Variants in SEL1L observed in about 807,000 individuals in gnomAD.
SEL1L encodes the protein SEL1L adaptor subunit of SYVN1 ubiquitin ligase.
SEL1L carries 52 observed loss-of-function variants against 109.8 expected under a neutral mutation model. The ratio of observed to expected loss-of-function variants is 0.47; its 90% CI spans 0.38 to 0.60. The LOEUF (loss-of-function observed/expected upper bound fraction) is 0.60. Ranked by LOEUF, SEL1L falls within the 20% of genes least tolerant of loss-of-function variation. SEL1L has a pLI of 0.00. For synonymous variants in SEL1L, 373 were observed against 339.6 expected (o/e 1.10, Z -1.08); for missense variants, 749 against 962.2 (o/e 0.78, Z 2.93).
intron 1 of SEL1L, among the ~76,000 whole-genome samples, chr14:81,528,634 TA>T (rs1325205416): frequency 8.5e-5 from 13 of 152,172 alleles, no homozygotes; most frequent in Non-Finnish European, 1.9e-4. Context: ...AGATCATCTT[TA>T]AGTTTCCCTC....
intron 19 of SEL1L, among the ~76,000 whole-genome samples, chr14:81,480,330 C>T (rs530399313): frequency 6.6e-5 from 10 of 152,280 alleles, no homozygotes; most frequent in African/African-American, 2.2e-4. Flanking sequence ...GCTGGGACTA[C>T]AGGTGCCTGC....
chr14:81,503,793 C>T (rs184526554), intron 5 of SEL1L, among the ~76,000 whole-genome samples: 20 of 152,178 alleles, frequency 1.3e-4, no homozygotes, highest in African/African-American at 4.1e-4. Context: ...TAAGATGTTA[C>T]GAGATAATCA....
Position 81,486,296 on chromosome 14 carries a change from A to G in SEL1L, c.1791T>C (p.Leu597=), listed in dbSNP as rs1487025559. The G allele has an allele frequency of 6.2e-7, 1 of 1,614,128 alleles. No individual in the cohort carries two copies. Among genetic ancestry groups the G allele is most frequent in the Non-Finnish European group, 8.5e-7 (1 of 1,179,990 alleles). Residue 597 remains leucine (L), a synonymous_variant, in exon 17 of 21, where the codon CTT becomes CTC. Transcript: ENST00000336735. ...GACTAAAATGAACCTTACTCTGATC[A>G]AGAATAAAGGCTGCATTGCTTTGTG... ...EVAQSNAAFI[L]DQREASIVGE...
chr14:81,507,464 C>T (rs546284302), intron 3 of SEL1L, among the ~76,000 whole-genome samples: 15 of 151,794 alleles, frequency 9.9e-5, no homozygotes, highest in East Asian at 7.8e-4. Context: ...TACCCAGGTG[C>T]GTTAGGGGTA....
intron 3 of SEL1L, among the ~76,000 whole-genome samples, chr14:81,510,424 T>G (rs1033559400): frequency 1.6e-4 from 24 of 147,688 alleles, no homozygotes; most frequent in Admixed American, 1.2e-3. Flanking sequence ...GCTTGAACAT[T>G]GAAGGAAAGA....
At chr14:81,498,286 G>A in intron 9 of SEL1L, 127 bp downstream of exon 9, 2 of 846,360 alleles carry the variant, frequency 2.4e-6, no homozygotes, top group African/African-American at 1.7e-5. Flanking sequence ...ACCTCAACTA[G>A]TTTAAAGATG....
chr14:81,481,802 G>C (rs1903364843), intron 19 of SEL1L, among the ~76,000 whole-genome samples: 1 of 152,170 alleles, frequency 6.6e-6, no homozygotes, highest in Admixed American at 6.5e-5. Flanking sequence ...GGAGACCGAG[G>C]CAGGTGGCTC....
chr14:81,501,121 G>A (rs1883988745), intron 6 of SEL1L, among the ~76,000 whole-genome samples: 1 of 152,190 alleles, frequency 6.6e-6, no homozygotes, highest in Non-Finnish European at 1.5e-5. Flanking sequence ...TCATGGCATG[G>A]AAGCCCCGTG....
intron 5 of SEL1L, among the ~76,000 whole-genome samples, chr14:81,503,746 G>T (rs759361914): frequency 6.6e-6 from 1 of 151,920 alleles, no homozygotes; most frequent in East Asian, 1.9e-4. Flanking sequence ...TTAAATCTTT[G>T]CAGACTATAA....
chr14:81,484,465 CT>C (rs2139989566), intron 18 of SEL1L, 68 bp from the exon 19 acceptor site: 2 of 1,414,470 alleles, frequency 1.4e-6, no homozygotes, highest in East Asian at 4.6e-5. Flanking sequence ...AAACTTTTTT[CT>C]CCTCCCATTG....
At chr14:81,526,171 G>C (rs1355767721) in intron 3 of SEL1L, among the ~76,000 whole-genome samples, 1 of 152,072 alleles carries the variant, frequency 6.6e-6, no homozygotes, top group Non-Finnish European at 1.5e-5. Context: ...ATTTTTAAAA[G>C]GATTAATATT....
intron 3 of SEL1L, 140 bp downstream of exon 3, chr14:81,526,593 T>G (rs1885122622): frequency 1.5e-6 from 1 of 669,132 alleles, no homozygotes; most frequent in Non-Finnish European, 2.5e-6. Context: ...AATCTAGAAA[T>G]TCTCTCCAAA....
intron 20 of SEL1L, 126 bp downstream of exon 20, chr14:81,479,486 A>C: frequency 1.1e-6 from 1 of 875,674 alleles, no homozygotes; most frequent in South Asian, 2.7e-5. Context: ...TGAGCTGAGG[A>C]GAAGGGAACA....
intron 3 of SEL1L, among the ~76,000 whole-genome samples, chr14:81,525,920 T>C (rs1218816787): frequency 6.6e-6 from 1 of 152,196 alleles, no homozygotes; most frequent in Non-Finnish European, 1.5e-5. Flanking sequence ...TTCTCCATGA[T>C]GTGAGCAGCT....
chr14:81,476,978 T>C lies in SEL1L; in HGVS notation c.2379A>G (p.Pro793=), dbSNP rs1280600517. The change falls in exon 21 of 21, where the codon CCA becomes CCG. Residue 793 remains proline (P), a synonymous_variant. Coordinates refer to ENST00000336735, the MANE Select transcript of SEL1L (RefSeq NM_005065.6). The part of the protein sequence containing the change: ...QQEGPPEQQP[P]Q The stretch of plus-strand genomic sequence containing the variant: ...AGGCTGGACCCAGTGCCTATTACTG[T>C]GGTGGCTGCTGCTCTGGTGGCCCCT... 2 of 1,614,104 alleles carry C rather than the reference T, an allele frequency of 1.2e-6. No individual in the cohort carries two copies. The highest frequency in any genetic ancestry group is 1.1e-5 in the South Asian group (1 of 91,074).
At chr14:81,480,970 C>G (rs7158559) in intron 19 of SEL1L, among the ~76,000 whole-genome samples, 10,633 of 151,950 alleles carry the variant, frequency 0.07, 1,152 homozygotes, top group African/African-American at 0.24. Flanking sequence ...AGATCTACCC[C>G]ACTCTTTCCT....
Position 81,472,006 on chromosome 14 carries a change from A to G in SEL1L, c.*4966T>C, listed in dbSNP as rs1445341493. 1 of 152,060 alleles carries G rather than the reference A, an allele frequency of 6.6e-6. No homozygotes were observed. Among genetic ancestry groups the G allele is most frequent in the African/African-American group, 2.4e-5 (1 of 41,414 alleles). The allele number at this position is 152,060 out of a possible 1,614,324, so 9.4% of individuals were successfully genotyped here. A position where few individuals can be genotyped will look rare whatever the true frequency, so the allele number is the denominator to read the frequency against. The stretch of plus-strand genomic sequence containing the variant: ...ATTCTGATTTTTTTTACTTGCATCT[A>G]ATTTGTGTATCTGCTGTAACTTAAT... On this transcript the variant is annotated 3_prime_UTR_variant, in exon 21 of 21. Transcript: ENST00000336735.
intron 3 of SEL1L, among the ~76,000 whole-genome samples, chr14:81,511,402 A>G (rs1884471713): frequency 6.6e-6 from 1 of 152,238 alleles, no homozygotes; most frequent in Non-Finnish European, 1.5e-5. Context: ...AAAACCATCC[A>G]GAGTAAAACT....
At chr14:81,511,014 T>C (rs1311315905) in intron 3 of SEL1L, among the ~76,000 whole-genome samples, 1 of 152,222 alleles carries the variant, frequency 6.6e-6, no homozygotes, top group Non-Finnish European at 1.5e-5. Context: ...GGCCAAATGA[T>C]ACAGGCAATA....
Sources: allele counts gnomAD v4.1 joint callset (sites outside exome capture counted in the v4.1 genomes callset), GRCh38; gene constraint gnomAD v4.1.1; transcripts MANE v1.5; gene names NCBI Gene and HGNC (gene_info 2026-07-23, HGNC 2026-07-21).